Variants in SLC2A13 observed in about 807,000 individuals in gnomAD.
SLC2A13 encodes the protein solute carrier family 2 member 13.
Under a neutral mutation model 64.4 loss-of-function variants are expected in SLC2A13, and 32 were observed. The ratio of observed to expected loss-of-function variants is 0.50; its 90% confidence interval spans 0.37 to 0.67. The LOEUF (loss-of-function observed/expected upper bound fraction) is 0.67, where lower values mean the gene tolerates loss of function less well. Among genes scored for constraint, SLC2A13 ranks in the 30% least tolerant of loss-of-function variants. The pLI is 0.00. For synonymous variants in SLC2A13, 338 were observed against 327.1 expected (o/e 1.03, Z -0.36); for missense variants, 743 against 829.2 (o/e 0.90, Z 1.28).
At chr12:39,916,703 AG>A (rs1945526196) in intron 4 of SLC2A13, among the ~76,000 whole-genome samples, 1 of 152,176 alleles carries the variant, frequency 6.6e-6, no homozygotes, top group African/African-American at 2.4e-5. Context: ...ATTTATCAAA[AG>A]CACAGTAATA....
At chr12:39,899,123 G>C in intron 4 of SLC2A13, among the ~76,000 whole-genome samples, 1 of 151,972 alleles carries the variant, frequency 6.6e-6, no homozygotes, top group Non-Finnish European at 1.5e-5. Flanking sequence ...GACTCTTTTT[G>C]GTTGGTAAGC....
At chr12:39,896,562 A>G (rs545871864) in intron 4 of SLC2A13, among the ~76,000 whole-genome samples, 2 of 116,118 alleles carry the variant, frequency 1.7e-5, no homozygotes, top group African/African-American at 3.0e-5. Flanking sequence ...ACATGTATAC[A>G]TATATGTATG....
rs555465697 is a variant in SLC2A13, at chr12:39,796,581, G to A, written c.1446-31723C>T. ...GAGCTGGCACAAGGTCCTAGTGATA[G>A]TGAGCTGGCAGAAGCTAGAAAGTAT... On this transcript the variant is annotated intron_variant, in intron 7 of 9. Transcript: ENST00000280871. Among the ~76,000 whole-genome samples, 212 of 152,096 alleles carry A rather than the reference G, an allele frequency of 1.4e-3. 3 individuals carry two copies. The highest frequency in any genetic ancestry group is 4.8e-3 in the African/African-American group (197 of 41,470).
chr12:40,081,031 C>T (rs1938378967), intron 1 of SLC2A13, among the ~76,000 whole-genome samples: 1 of 152,188 alleles, frequency 6.6e-6, no homozygotes, highest in Non-Finnish European at 1.5e-5. Context: ...ATAAGCCCCC[C>T]AATCTCTTCT....
intron 4 of SLC2A13, among the ~76,000 whole-genome samples, chr12:39,949,116 C>A (rs2136098203): frequency 6.6e-6 from 1 of 152,240 alleles, no homozygotes; most frequent in Non-Finnish European, 1.5e-5. Flanking sequence ...CATAATGACA[C>A]TGACTTACAC....
intron 1 of SLC2A13, among the ~76,000 whole-genome samples, chr12:40,066,876 A>G (rs768465909): frequency 6.6e-6 from 1 of 152,226 alleles, no homozygotes; most frequent in Admixed American, 6.5e-5. Context: ...AAAGTTGACA[A>G]AAAGCTTTTT....
chr12:40,088,182 C>A (rs1938647430), intron 1 of SLC2A13, among the ~76,000 whole-genome samples: 1 of 152,060 alleles, frequency 6.6e-6, no homozygotes, highest in Admixed American at 6.6e-5. Context: ...AAAAGGGGGA[C>A]AGGTAAAGAC....
chr12:40,019,506 T>C (rs923045001), intron 3 of SLC2A13, among the ~76,000 whole-genome samples: 3 of 152,196 alleles, frequency 2.0e-5, no homozygotes, highest in Non-Finnish European at 2.9e-5. Flanking sequence ...CTGTTTGCCC[T>C]TGCCAGCACT....
chr12:39,785,452 G>A lies in SLC2A13; in HGVS notation c.1446-20594C>T, dbSNP rs1941151433. Reference sequence around the variant, plus strand: ...AGATTTCAGATGTATGGAAATGCCTGGATGCCCAGGCAAAAGTTTGCTGCA... The same window carrying A: ...AGATTTCAGATGTATGGAAATGCCTAGATGCCCAGGCAAAAGTTTGCTGCA... On this transcript the variant is annotated intron_variant, in intron 7 of 9. Coordinates refer to ENST00000280871, the MANE Select transcript of SLC2A13 (RefSeq NM_052885.4). 2.6e-5 allele frequency among the ~76,000 whole-genome samples: 4 copies of A among 152,238 alleles called. No homozygotes were observed. The South Asian group carries it at 8.3e-4, about 32-fold the overall frequency.
intron 7 of SLC2A13, among the ~76,000 whole-genome samples, chr12:39,812,378 T>C (rs1469967935): frequency 8.1e-6 from 1 of 122,896 alleles, no homozygotes; most frequent in Admixed American, 8.0e-5. Context: ...TTTTCTTTTC[T>C]TTTCTTTCTT....
At chr12:40,019,222 T>C (rs927213597) in intron 3 of SLC2A13, among the ~76,000 whole-genome samples, 2 of 152,234 alleles carry the variant, frequency 1.3e-5, no homozygotes, top group Admixed American at 1.3e-4. Flanking sequence ...CTGAACTATT[T>C]TGCCAACTGA....
chr12:39,924,513 A>G (rs1945679540), intron 4 of SLC2A13, among the ~76,000 whole-genome samples: 1 of 151,842 alleles, frequency 6.6e-6, no homozygotes, highest in Non-Finnish European at 1.5e-5. Flanking sequence ...GAGGACAGTG[A>G]TAAGACTAGC....
At chr12:39,882,647 G>A (rs575540878) in intron 4 of SLC2A13, among the ~76,000 whole-genome samples, 4 of 152,006 alleles carry the variant, frequency 2.6e-5, no homozygotes, top group Admixed American at 2.6e-4. Flanking sequence ...CACCAAGAAA[G>A]CGTGAGCAAT....
At chr12:39,861,684 G>A (rs1173267309) in intron 6 of SLC2A13, among the ~76,000 whole-genome samples, 1 of 152,166 alleles carries the variant, frequency 6.6e-6, no homozygotes, top group Non-Finnish European at 1.5e-5. Flanking sequence ...AAAGAAATAT[G>A]TGTGTGAACT....
chr12:39,952,775 G>A (rs533394431), intron 3 of SLC2A13, among the ~76,000 whole-genome samples: 1 of 152,222 alleles, frequency 6.6e-6, no homozygotes, highest in African/African-American at 2.4e-5. Flanking sequence ...CAGTATTAAA[G>A]CCTAATATAT....
chr12:39,997,721 C>T (rs1435972353), intron 3 of SLC2A13, among the ~76,000 whole-genome samples: 1 of 152,118 alleles, frequency 6.6e-6, no homozygotes, highest in Non-Finnish European at 1.5e-5. Context: ...GTCCCAGTTA[C>T]TTGGGAGGCT....
rs1307857098 is a variant in SLC2A13, at chr12:39,757,426, G to T, written c.*2600C>A. ...GCCAAATATGCTGGGAACTTAAAAG[G>T]TGCCTAATATAAAAAAACCTGCAAA... On this transcript the variant is annotated 3_prime_UTR_variant, in exon 10 of 10. Coordinates refer to ENST00000280871, the MANE Select transcript of SLC2A13 (RefSeq NM_052885.4). The T allele has an allele frequency of 6.6e-6, 1 of 151,550 alleles. No individual in the cohort carries two copies. The highest frequency in any genetic ancestry group is 1.5e-5 in the Non-Finnish European group (1 of 67,628). The allele number at this position is 151,550 out of a possible 1,614,324, so 9.4% of individuals were successfully genotyped here.
At chr12:40,012,411 T>G (rs1485823507) in intron 3 of SLC2A13, among the ~76,000 whole-genome samples, 4 of 152,220 alleles carry the variant, frequency 2.6e-5, no homozygotes, top group Non-Finnish European at 5.9e-5. Context: ...AATTCTCTAA[T>G]TTATTCTTGT....
At chr12:40,046,188 T>A (rs1390389714) in intron 2 of SLC2A13, among the ~76,000 whole-genome samples, 1 of 152,234 alleles carries the variant, frequency 6.6e-6, no homozygotes, top group Non-Finnish European at 1.5e-5. Context: ...TCAGAGGGGC[T>A]AAATGATTTG....
Sources: allele counts gnomAD v4.1 joint callset (sites outside exome capture counted in the v4.1 genomes callset), GRCh38; gene constraint gnomAD v4.1.1; transcripts MANE v1.5; gene names NCBI Gene and HGNC (gene_info 2026-07-23, HGNC 2026-07-21).